Variants in EXT1 observed in about 807,000 individuals in gnomAD.
EXT1 encodes exostosin-1.
A neutral mutation model predicts 82.5 loss-of-function variants in EXT1; 20 were observed. The observed-to-expected ratio is 0.24, with a 90% confidence interval of 0.17 to 0.35. The LOEUF is 0.35. Ranked by LOEUF, EXT1 falls within the 10% of genes least tolerant of loss-of-function variation. The pLI is 1.00. For missense variants in EXT1, 757 were observed against 936.5 expected, an observed-to-expected ratio of 0.81 and a Z score of 2.50; for synonymous variants, 348 against 350.8, an observed-to-expected ratio of 0.99 and a Z score of 0.09.
At chr8:117,817,150 C>T (rs898006180) in intron 7 of EXT1, among the ~76,000 whole-genome samples, 2 of 152,132 alleles carry the variant, frequency 1.3e-5, no homozygotes, top group African/African-American at 4.8e-5. Context: ...TTATGAGAGC[C>T]ATGGCTATAT....
intron 1 of EXT1, among the ~76,000 whole-genome samples, chr8:117,886,597 C>T (rs554349325): frequency 5.9e-5 from 9 of 152,220 alleles, no homozygotes; most frequent in African/African-American, 2.2e-4. Flanking sequence ...GGCTAAGCAC[C>T]AAAATGTCAA....
chr8:118,038,981 T>G (rs1394100565), intron 1 of EXT1, among the ~76,000 whole-genome samples: 3 of 152,202 alleles, frequency 2.0e-5, no homozygotes, highest in Non-Finnish European at 2.9e-5. Context: ...TTTTTTGAAT[T>G]TCCTATATTA....
intron 1 of EXT1, among the ~76,000 whole-genome samples, chr8:117,952,565 C>T (rs1814510454): frequency 6.6e-6 from 1 of 152,170 alleles, no homozygotes; most frequent in Non-Finnish European, 1.5e-5. Context: ...GTCAAGAGTA[C>T]AGCTTGGCCA....
intron 1 of EXT1, among the ~76,000 whole-genome samples, chr8:118,099,717 T>C (rs1338093276): frequency 1.3e-5 from 2 of 152,238 alleles, no homozygotes; most frequent in Non-Finnish European, 2.9e-5. Flanking sequence ...TAGGTGGACA[T>C]AAAGATTAAA....
chr8:118,020,566 T>C (rs1816084050), intron 1 of EXT1, among the ~76,000 whole-genome samples: 1 of 152,232 alleles, frequency 6.6e-6, no homozygotes, highest in South Asian at 2.1e-4. Flanking sequence ...ACAAAGGGGC[T>C]GGTGCAGCTA....
chr8:117,896,031 G>A (rs1391481729), intron 1 of EXT1, among the ~76,000 whole-genome samples: 1 of 152,196 alleles, frequency 6.6e-6, no homozygotes, highest in Non-Finnish European at 1.5e-5. Flanking sequence ...GTAAAACGTA[G>A]AGAAGGTCAT....
chr8:117,818,553 G>A (rs866714471), intron 6 of EXT1, 23 bp from the exon 7 acceptor site: 23 of 1,577,866 alleles, frequency 1.5e-5, no homozygotes, highest in Middle Eastern at 1.7e-4. Context: ...GGGCTCATTA[G>A]ATGGCTGGGG....
intron 8 of EXT1, among the ~76,000 whole-genome samples, chr8:117,811,541 C>T (rs913806538): frequency 6.6e-6 from 1 of 152,026 alleles, no homozygotes; most frequent in African/African-American, 2.4e-5. Context: ...GACATTTTGT[C>T]CTGGGATTAT....
chr8:117,947,342 G>A (rs1814409705), intron 1 of EXT1, among the ~76,000 whole-genome samples: 1 of 152,000 alleles, frequency 6.6e-6, no homozygotes, highest in African/African-American at 2.4e-5. Flanking sequence ...TTTCTTTTGA[G>A]GTAATGTTTA....
rs1199814010 is a variant in EXT1, at chr8:118,111,064, A to G, written c.-18T>C. On this transcript the variant is annotated 5_prime_UTR_variant, in exon 1 of 11. Coordinates refer to ENST00000378204, the MANE Select transcript of EXT1 (RefSeq NM_000127.3). Reference sequence around the variant, plus strand: ...GCCTGCATGTGTCCTGCCTGGGTCAAGAGGATTGTAAATAAACACAAGAAT... The same window carrying G: ...GCCTGCATGTGTCCTGCCTGGGTCAGGAGGATTGTAAATAAACACAAGAAT... 2 of 1,576,662 alleles carry G rather than the reference A, an allele frequency of 1.3e-6. No individual in the cohort carries two copies. The highest frequency in any genetic ancestry group is 1.1e-5 in the South Asian group (1 of 88,254).
intron 1 of EXT1, among the ~76,000 whole-genome samples, chr8:117,944,101 T>C (rs1280647603): frequency 6.6e-6 from 1 of 152,192 alleles, no homozygotes; most frequent in Non-Finnish European, 1.5e-5. Flanking sequence ...TTTTAACTAC[T>C]GTAAAAGAAG....
intron 1 of EXT1, among the ~76,000 whole-genome samples, chr8:118,052,760 C>T (rs550308167): frequency 6.6e-6 from 1 of 152,290 alleles, no homozygotes; most frequent in South Asian, 2.1e-4. Context: ...GGAAAGTTAA[C>T]AAGAAGCAAA....
chr8:118,000,971 TC>T (rs1349927851), intron 1 of EXT1, among the ~76,000 whole-genome samples: 3 of 152,066 alleles, frequency 2.0e-5, no homozygotes, highest in Non-Finnish European at 4.4e-5. Flanking sequence ...GAAAAATAAT[TC>T]CCCATTGTCC....
At chr8:117,899,283 C>T (rs1323058433) in intron 1 of EXT1, among the ~76,000 whole-genome samples, 1 of 151,954 alleles carries the variant, frequency 6.6e-6, no homozygotes, top group Non-Finnish European at 1.5e-5. Context: ...AGTTTTACAA[C>T]TCTAGAAGTT....
At chr8:117,915,023 T>C (rs1813720366) in intron 1 of EXT1, among the ~76,000 whole-genome samples, 1 of 152,162 alleles carries the variant, frequency 6.6e-6, no homozygotes, top group Admixed American at 6.5e-5. Context: ...AAACCCTTAA[T>C]GAAAAACTTG....
intron 1 of EXT1, among the ~76,000 whole-genome samples, chr8:117,988,257 A>G (rs1815360910): frequency 6.6e-6 from 1 of 152,230 alleles, no homozygotes; most frequent in Non-Finnish European, 1.5e-5. Flanking sequence ...GTAGCATCAC[A>G]TAATTAACCT....
intron 1 of EXT1, among the ~76,000 whole-genome samples, chr8:117,932,636 C>T (rs568831118): frequency 6.6e-6 from 1 of 152,242 alleles, no homozygotes; most frequent in African/African-American, 2.4e-5. Flanking sequence ...TCAAATACTG[C>T]AAAAATCTTT....
At chr8:117,971,385 G>C (rs1255889415) in intron 1 of EXT1, among the ~76,000 whole-genome samples, 3 of 152,050 alleles carry the variant, frequency 2.0e-5, no homozygotes, top group African/African-American at 7.2e-5. Context: ...CGGGACTAAG[G>C]TCACAAAACA....
chr8:117,834,155 G>T (rs112066368), intron 3 of EXT1, among the ~76,000 whole-genome samples: 1 of 152,174 alleles, frequency 6.6e-6, no homozygotes, highest in Non-Finnish European at 1.5e-5. Context: ...CTGAGTGCCA[G>T]ACAGAAGTAA....
Sources: gnomAD v4.1 joint callset for allele counts (sites outside exome capture counted in the v4.1 genomes callset) on GRCh38, gnomAD v4.1.1 for gene constraint, MANE v1.5 for transcripts, NCBI Gene and HGNC (gene_info 2026-07-23, HGNC 2026-07-21) for gene names.